Variants in PAK4 observed in about 807,000 individuals in gnomAD.
PAK4 encodes the protein serine/threonine-protein kinase PAK 4.
PAK4 carries 49 observed loss-of-function variants against 53.5 expected under a neutral mutation model. That is an observed-to-expected ratio of 0.92 (90% CI 0.73 to 1.16). PAK4 has a LOEUF of 1.16. PAK4 is among the 50% of genes most tolerant of loss of function. The pLI is 0.00. For missense variants in PAK4, 824 were observed against 850.7 expected, an observed-to-expected ratio of 0.97 and a Z score of 0.39; for synonymous variants, 376 against 375.6, an observed-to-expected ratio of 1.00 and a Z score of -0.01.
At chr19:39,169,396 G>A in intron 1 of PAK4, 136 bp from the exon 3 acceptor site, 1 of 667,752 alleles carries the variant, frequency 1.5e-6, no homozygotes. Context: ...GCAGGGGGTG[G>A]GCAGGGAGAC....
At chr19:39,144,212 A>T (rs1230202652) in intron 1 of PAK4, among the ~76,000 whole-genome samples, 1 of 152,094 alleles carries the variant, frequency 6.6e-6, no homozygotes, top group Non-Finnish European at 1.5e-5. Context: ...AAGTGAGTGG[A>T]CTTTGGTCCT....
chr19:39,177,890 A>T lies in PAK4; in HGVS notation c.1620+81A>T, dbSNP rs913167832. On this transcript the variant is annotated intron_variant, in intron 8 of 8. Transcript: ENST00000358301. ...AGGTGGAGCATGGGGTGTGGATGGGATGGGGACAATGATGGCGCCTGGGAT... is the reference window on the plus strand; with the variant it reads ...AGGTGGAGCATGGGGTGTGGATGGGTTGGGGACAATGATGGCGCCTGGGAT... The T allele has an allele frequency of 1.4e-5, 21 of 1,473,390 alleles. No homozygotes were observed. The African/African-American group carries it at 2.8e-4, about 20-fold the overall frequency. 91.3% of individuals were successfully genotyped at this position (1,473,390 alleles called of 1,614,324 possible). A position where few individuals can be genotyped will look rare whatever the true frequency, so the allele number is the denominator to read the frequency against.
chr19:39,175,313 A>G lies in PAK4; in HGVS notation c.1234A>G (p.Met412Val). 6.3e-7 allele frequency: 1 copy of G among 1,575,860 alleles called. No individual in the cohort carries two copies. The highest frequency in any genetic ancestry group is 8.6e-7 in the Non-Finnish European group (1 of 1,160,372). ...CTCACCCCCCACCCCACCCCGCAGG[A>G]TGAACGAGGAGCAGATCGCGGCCGT... Residue 412 changes from methionine (M) to valine (V), a missense_variant and splice_region_variant, in exon 6 of 9, where the codon ATG becomes GTG. By Grantham distance (21) the Met-to-Val change is conservative (BLOSUM62 1). Transcript: ENST00000358301. This position sits in a 1 kb window ranked among gnomAD's most constrained non-coding sequence, Gnocchi z 4.7.
At position 39,173,027 on chromosome 19, in the gene PAK4, C is replaced by G. The variant is rs779494733; in HGVS notation, c.314C>G (p.Pro105Arg). ...TCCAACTCCCTGCGGAGAGACAGCC[C>G]GCCGCCGCCCGCCCGTGCCCGCCAG... Residue 105 changes from proline (P) to arginine (R), a missense_variant, in exon 3 of 9, where the codon CCG (proline) becomes CGG (arginine). Transcript: ENST00000358301. This position sits in a 1 kb window ranked among gnomAD's most constrained non-coding sequence, Gnocchi z 6.9. 1.4e-5 allele frequency: 22 copies of G among 1,548,972 alleles called. No individual in the cohort carries two copies. The highest frequency in any genetic ancestry group is 1.9e-5 in the Non-Finnish European group (22 of 1,146,896).
At chr19:39,145,942 C>T (rs1287617933) in intron 1 of PAK4, among the ~76,000 whole-genome samples, 3 of 152,192 alleles carry the variant, frequency 2.0e-5, no homozygotes, top group Non-Finnish European at 4.4e-5. Context: ...AGCTGGACGG[C>T]CCTGGGCATG....
At chr19:39,127,440 A>G (rs570674150) in intron 1 of PAK4, among the ~76,000 whole-genome samples, 1 of 151,996 alleles carries the variant, frequency 6.6e-6, no homozygotes, top group East Asian at 1.9e-4. Flanking sequence ...GCCTTGCTGC[A>G]GGCTCTTTTT....
downstream of PAK4, chr19:39,182,370 T>G (rs2074707560): frequency 6.6e-6 from 1 of 152,202 alleles, no homozygotes; most frequent in East Asian, 1.9e-4. Flanking sequence ...CTAACACAAA[T>G]TCTATTACCA....
chr19:39,134,911 A>G (rs2073782067), intron 1 of PAK4: 1 of 152,116 alleles, frequency 6.6e-6, no homozygotes, highest in South Asian at 2.1e-4. Flanking sequence ...AGCCCCATAT[A>G]ATATTCTGTT....
At chr19:39,166,800 ATC>A (rs1447394860) in intron 1 of PAK4, among the ~76,000 whole-genome samples, 9 of 152,228 alleles carry the variant, frequency 5.9e-5, no homozygotes, top group African/African-American at 2.2e-4. Context: ...GGTCAGGAGC[ATC>A]TGTTGGGAAG....
chr19:39,173,235 C>T lies in PAK4; in HGVS notation c.522C>T (p.Ser174=), dbSNP rs773070127. ...GCTCAGGGGGTCCCCAGGAGTCCTC[C>T]CGGGACAAACGCCCCCTCTCCGGGC... The change falls in exon 3 of 9, where the codon TCC becomes TCT. Residue 174 remains serine, a synonymous_variant. Transcript: ENST00000358301. This position sits in a 1 kb window ranked among gnomAD's most constrained non-coding sequence, Gnocchi z 6.9. 1.9e-6 allele frequency: 3 copies of T among 1,574,812 alleles called. No individual in the cohort carries two copies. Among genetic ancestry groups the T allele is most frequent in the Non-Finnish European group, 2.6e-6 (3 of 1,160,830 alleles).
At position 39,173,376 on chromosome 19, in the gene PAK4, G is replaced by C; in HGVS notation, c.663G>C (p.Gln221His). 1 of 1,522,840 alleles carries C rather than the reference G, an allele frequency of 6.6e-7. No individual in the cohort carries two copies. Among genetic ancestry groups the C allele is most frequent in the Non-Finnish European group, 8.8e-7 (1 of 1,134,086 alleles). The allele number at this position is 1,522,840 out of a possible 1,614,324, so 94.3% of individuals were successfully genotyped here. ...CGGACCACCCATCCCGGGGTGCCCA[G>C]GTAACCCATCCCCCGCCCCAGGGCC... The change falls in exon 3 of 9, where the codon CAG becomes CAC. Residue 221 changes from glutamine to histidine, a missense_variant and splice_region_variant. Physicochemically the swap from Gln to His is conservative, Grantham distance 24 (BLOSUM62 0). Coordinates refer to ENST00000358301, the Ensembl canonical transcript of PAK4. The surrounding 1 kb of genome is among the most constrained non-coding windows in gnomAD (Gnocchi z 6.9).
chr19:39,176,652 G>C (rs56286946), exon 7 of PAK4: 1 of 1,613,600 alleles, frequency 6.2e-7, no homozygotes. Flanking sequence ...GAAGGAAGTC[G>C]CTGGTCGGCA....
chr19:39,139,430 G>T (rs1376800706), intron 1 of PAK4, among the ~76,000 whole-genome samples: 2 of 152,166 alleles, frequency 1.3e-5, no homozygotes, highest in African/African-American at 2.4e-5. Flanking sequence ...GGGTGTTCAG[G>T]GAGGACTGAG....
chr19:39,129,621 G>GCCCACCCA (rs1411983964), intron 1 of PAK4, among the ~76,000 whole-genome samples: 2 of 147,882 alleles, frequency 1.4e-5, no homozygotes, highest in African/African-American at 2.5e-5. Context: ...AGGTTTATGG[G>GCCCACCCA]CCCACCCACC....
chr19:39,133,817 C>T (rs1286626248), intron 1 of PAK4, among the ~76,000 whole-genome samples: 1 of 152,226 alleles, frequency 6.6e-6, no homozygotes, highest in African/African-American at 2.4e-5. Flanking sequence ...CCCGGTTTTG[C>T]CACTCCCACA....
intron 1 of PAK4, among the ~76,000 whole-genome samples, chr19:39,164,015 G>A (rs1046801567): frequency 2.0e-5 from 3 of 152,188 alleles, no homozygotes; most frequent in African/African-American, 2.4e-5. Flanking sequence ...GGTGGCTCAC[G>A]CCTGTAATCC....
intron 1 of PAK4, among the ~76,000 whole-genome samples, chr19:39,128,703 G>C (rs1568493274): frequency 6.6e-6 from 1 of 152,146 alleles, no homozygotes; most frequent in Non-Finnish European, 1.5e-5. Context: ...AGAGGCCAAG[G>C]GTCTCCTCCT....
chr19:39,175,532 T>G lies in PAK4; in HGVS notation c.1359+94T>G. 1 of 1,329,398 alleles carries G rather than the reference T, an allele frequency of 7.5e-7. No homozygotes were observed. 82.4% of individuals were successfully genotyped at this position (1,329,398 alleles called of 1,614,324 possible). A position where few individuals can be genotyped will look rare whatever the true frequency, so the allele number is the denominator to read the frequency against. On this transcript the variant is annotated intron_variant, in intron 6 of 8. Coordinates refer to ENST00000358301, the Ensembl canonical transcript of PAK4. This position sits in a 1 kb window ranked among gnomAD's most constrained non-coding sequence, Gnocchi z 4.7. ...ATCCCCTGTGAGGGTAGGTGAGCTC[T>G]GACCCCCAGGTCTGTGTCTTGAGGA...
At chr19:39,177,547 G>T in intron 7 of PAK4, 128 bp from the exon 9 acceptor site, 2 of 989,162 alleles carry the variant, frequency 2.0e-6, no homozygotes, top group Non-Finnish European at 1.4e-6. Context: ...GTGCCCAAGA[G>T]GGAGTTCTGG....
Sources: allele counts gnomAD v4.1 joint callset (sites outside exome capture counted in the v4.1 genomes callset), GRCh38; gene constraint gnomAD v4.1.1; non-coding constraint Gnocchi (gnomAD v3.1); transcripts MANE v1.5; gene names NCBI Gene and HGNC (gene_info 2026-07-23, HGNC 2026-07-21).